ZMYM2: variants seen among roughly 807,000 people sequenced by gnomAD.
The protein encoded by ZMYM2 is zinc finger MYM-type protein 2.
In ZMYM2, 56 loss-of-function variants were observed where a neutral mutation model predicts 162.8. The ratio of observed to expected loss-of-function variants is 0.34; its 90% confidence interval spans 0.28 to 0.43. The LOEUF (loss-of-function observed/expected upper bound fraction) is 0.43. Among genes scored for constraint, ZMYM2 ranks in the 20% least tolerant of loss-of-function variants. ZMYM2 has a pLI of 1.00. For missense variants in ZMYM2, 1,275 were observed against 1,621.8 expected, an observed-to-expected ratio of 0.79 and a Z score of 3.67; for synonymous variants, 510 against 541.6, an observed-to-expected ratio of 0.94 and a Z score of 0.81.
chr13:19,884,637 T>G, the ZMYM2 span, among the ~76,000 whole-genome samples: 1 of 152,126 alleles, frequency 6.6e-6, no homozygotes, highest in East Asian at 1.9e-4. Context: ...TGACACGTAC[T>G]TAGTTTGGTC....
chr13:20,049,781 C>T (rs1955147760), intron 12 of ZMYM2, among the ~76,000 whole-genome samples: 1 of 151,956 alleles, frequency 6.6e-6, no homozygotes, highest in African/African-American at 2.4e-5. Context: ...ATGGGTTTGG[C>T]TTTTATTTCA....
rs1321950272 is a variant in ZMYM2 at position 20,003,145 on chromosome 13, A to G, written c.1133+10A>G. 1.2e-6 allele frequency: 2 copies of G among 1,607,250 alleles called. No individual in the cohort carries two copies. The highest frequency in any genetic ancestry group is 1.7e-6 in the Non-Finnish European group (2 of 1,176,468). On this transcript the variant is annotated intron_variant, in intron 4 of 24. Transcript: ENST00000610343. ...GTGTTATGTGTAAAAAGTAAGGTTT[A>G]CCTTTCAACATAATTACATATAGTT...
chr13:19,876,955 T>C, the ZMYM2 span, among the ~76,000 whole-genome samples: 2 of 152,136 alleles, frequency 1.3e-5, no homozygotes, highest in Non-Finnish European at 2.9e-5. Context: ...GGCCAGGCGG[T>C]GGCTCACGCC....
chr13:19,905,866 C>T, the ZMYM2 span, among the ~76,000 whole-genome samples: 1 of 152,168 alleles, frequency 6.6e-6, no homozygotes, highest in Non-Finnish European at 1.5e-5. Flanking sequence ...TTGGGCTGGG[C>T]ATGGCGGCTC....
rs377671836 is a variant in ZMYM2 at position 20,084,558 on chromosome 13, T to A, written c.3941+782T>A. Among the ~76,000 whole-genome samples the A allele has an allele frequency of 9.9e-5, 15 of 152,246 alleles. No individual in the cohort carries two copies. The East Asian group carries it at 2.3e-3, about 24-fold the overall frequency. On this transcript the variant is annotated intron_variant, in intron 24 of 24. Coordinates refer to ENST00000610343, the MANE Select transcript of ZMYM2 (RefSeq NM_197968.4). Reference sequence around the variant, plus strand: ...AGTTTGCCAATGCCCGGTGTAAAGGTATGCTCAAAGGTAGTATAGATAGGT... The same window carrying A: ...AGTTTGCCAATGCCCGGTGTAAAGGAATGCTCAAAGGTAGTATAGATAGGT...
chr13:20,061,090 G>A lies in ZMYM2; in HGVS notation c.2777G>A (p.Ser926Asn), dbSNP rs373322692. The change falls in exon 17 of 25, where the codon AGC (serine) becomes AAC (asparagine). Residue 926 changes from serine to asparagine, a missense_variant. Transcript: ENST00000610343. Reference sequence around the variant, plus strand: ...GTTTTTCTGCCTGCTCCATTGGACAGCAGTGAGAAGATTCCTGCAGCAATT... The same window carrying A: ...GTTTTTCTGCCTGCTCCATTGGACAACAGTGAGAAGATTCCTGCAGCAATT... ...VPVFLPAPLD[S>N]SEKIPAAIEE... 7.4e-6 allele frequency: 12 copies of A among 1,612,266 alleles called. No individual in the cohort carries two copies. The African/African-American group carries it at 8.0e-5, about 11-fold the overall frequency.
the ZMYM2 span, among the ~76,000 whole-genome samples, chr13:19,904,826 G>T: frequency 6.6e-6 from 1 of 151,976 alleles, no homozygotes; most frequent in Non-Finnish European, 1.5e-5. Flanking sequence ...TAAACATAAT[G>T]TTTTCAAGTC....
chr13:19,957,815 A>G (rs1286864268), upstream of ZMYM2, among the ~76,000 whole-genome samples: 1 of 152,148 alleles, frequency 6.6e-6, no homozygotes, highest in African/African-American at 2.4e-5. Flanking sequence ...GCTCCAGGGG[A>G]GCCCGCAGCT....
chr13:20,082,615 T>A (rs542214197), intron 22 of ZMYM2, among the ~76,000 whole-genome samples, 166 bp from the exon 23 acceptor site: 1 of 152,344 alleles, frequency 6.6e-6, no homozygotes, highest in East Asian at 1.9e-4. Context: ...GTAGCCTCTG[T>A]ATTGTTAAAG....
At chr13:20,002,495 A>G (rs1305091990) in intron 3 of ZMYM2, among the ~76,000 whole-genome samples, 1 of 152,138 alleles carries the variant, frequency 6.6e-6, no homozygotes, top group East Asian at 1.9e-4. Flanking sequence ...TCTTTTAATT[A>G]ATTTTTTAAA....
At chr13:20,083,490 AT>A in intron 23 of ZMYM2, 165 bp from the exon 24 acceptor site, 1 of 603,134 alleles carries the variant, frequency 1.7e-6, no homozygotes, top group South Asian at 2.2e-5. Context: ...ATGTCTTAAG[AT>A]GTCTCAGTTC....
the ZMYM2 span, among the ~76,000 whole-genome samples, chr13:19,953,093 G>A: frequency 9.9e-5 from 15 of 152,136 alleles, no homozygotes; most frequent in African/African-American, 3.6e-4. Flanking sequence ...GAAGGCCCAT[G>A]ACAGATGCCA....
the ZMYM2 span, among the ~76,000 whole-genome samples, chr13:19,949,199 C>T: frequency 1.1e-4 from 16 of 151,682 alleles, no homozygotes; most frequent in Non-Finnish European, 2.2e-4. Flanking sequence ...CACCTGAGGT[C>T]AGGAGTTCGA....
chr13:20,063,778 CA>C (rs1412618336), intron 18 of ZMYM2, among the ~76,000 whole-genome samples: 1 of 16,892 alleles, frequency 5.9e-5, no homozygotes, highest in Non-Finnish European at 2.2e-4. Context: ...AACTCTGTCT[CA>C]AAAAATATAT....
chr13:20,052,147 T>G, intron 13 of ZMYM2, 130 bp from the exon 14 acceptor site: 1 of 726,366 alleles, frequency 1.4e-6, no homozygotes, highest in Non-Finnish European at 2.1e-6. Context: ...TTGAAATTCT[T>G]TCCTTAAAAT....
chr13:20,058,044 G>A (rs890809921), intron 14 of ZMYM2, among the ~76,000 whole-genome samples: 1 of 152,112 alleles, frequency 6.6e-6, no homozygotes, highest in Non-Finnish European at 1.5e-5. Flanking sequence ...TGTAGAATAG[G>A]TTTCAGAAAT....
chr13:20,020,648 G>A (rs1272350515), intron 7 of ZMYM2, among the ~76,000 whole-genome samples: 2 of 151,498 alleles, frequency 1.3e-5, no homozygotes, highest in African/African-American at 4.8e-5. Flanking sequence ...TTTGTTTTTT[G>A]GTATTGTTTT....
At chr13:19,887,540 AT>A in the ZMYM2 span, among the ~76,000 whole-genome samples, 14 of 149,330 alleles carry the variant, frequency 9.4e-5, no homozygotes, top group Non-Finnish European at 1.6e-4. Context: ...AAAAAAAAAA[AT>A]ACAATATAAT....
chr13:19,909,896 A>G, the ZMYM2 span, among the ~76,000 whole-genome samples: 9 of 152,032 alleles, frequency 5.9e-5, no homozygotes, highest in Non-Finnish European at 1.2e-4. Context: ...AGGGCCTGAG[A>G]GAAGAGTGGA....
Sources: allele counts gnomAD v4.1 joint callset (sites outside exome capture counted in the v4.1 genomes callset), GRCh38; gene constraint gnomAD v4.1.1; transcripts MANE v1.5; gene names NCBI Gene and HGNC (gene_info 2026-07-23, HGNC 2026-07-21).